The following PTPRD variants were observed in gnomAD, a reference collection of about 807,000 sequenced individuals.
The protein encoded by PTPRD is protein tyrosine phosphatase receptor type D.
In PTPRD, 34 loss-of-function variants were observed where a neutral mutation model predicts 214.5. That is an observed-to-expected ratio of 0.16 (90% CI 0.12 to 0.21). The LOEUF (loss-of-function observed/expected upper bound fraction) is 0.21. Ranked by LOEUF, PTPRD falls within the 10% of genes least tolerant of loss-of-function variation. The pLI is 1.00. For missense variants in PTPRD, 2,545 were observed against 2,398.7 expected (o/e 1.06, Z -1.27); for synonymous variants, 1,128 against 845.7 (o/e 1.33, Z -5.79).
intron 5 of PTPRD, among the ~76,000 whole-genome samples, chr9:9,782,278 G>T (rs760410972): frequency 2.0e-5 from 3 of 152,008 alleles, no homozygotes; most frequent in Non-Finnish European, 2.9e-5. Context: ...TGTCTTACAG[G>T]TACCTCTAAG....
chr9:10,373,764 G>C lies in PTPRD; in HGVS notation c.-599-32747C>G, dbSNP rs570721209. ...CGCCTTGCCATATTTCTCAGTTTGTGTAAAAATCAGAAGATTTGTCAATAC... is the reference window on the plus strand; with the variant it reads ...CGCCTTGCCATATTTCTCAGTTTGTCTAAAAATCAGAAGATTTGTCAATAC... On this transcript the variant is annotated intron_variant, in intron 2 of 45. Coordinates refer to ENST00000381196, the MANE Select transcript of PTPRD (RefSeq NM_002839.4). 2.6e-5 allele frequency among the ~76,000 whole-genome samples: 4 copies of C among 152,098 alleles called. No homozygotes were observed. The East Asian group carries it at 5.8e-4, about 22-fold the overall frequency.
intron 14 of PTPRD, among the ~76,000 whole-genome samples, chr9:8,590,801 T>C (rs1278097545): frequency 6.6e-6 from 1 of 152,172 alleles, no homozygotes; most frequent in East Asian, 1.9e-4. Context: ...TTAAGGTAGG[T>C]AATTAGTTTC....
chr9:9,338,885 C>A (rs112272220), intron 9 of PTPRD, among the ~76,000 whole-genome samples: 1,647 of 152,170 alleles, frequency 0.011, 25 homozygotes, highest in African/African-American at 0.037. Context: ...ATATTCCCCT[C>A]CCTGTGTCCA....
chr9:9,315,253 A>T (rs968822468), intron 9 of PTPRD, among the ~76,000 whole-genome samples: 1 of 151,888 alleles, frequency 6.6e-6, no homozygotes, highest in Admixed American at 6.6e-5. Flanking sequence ...TATCTGAAGT[A>T]TTTTCTCGTA....
chr9:9,340,612 G>C (rs1184124539), intron 9 of PTPRD, among the ~76,000 whole-genome samples: 1 of 152,152 alleles, frequency 6.6e-6, no homozygotes, highest in Non-Finnish European at 1.5e-5. Flanking sequence ...AGTTAATACA[G>C]AGTACGGAAT....
chr9:9,403,627 A>G (rs925483433), intron 8 of PTPRD, among the ~76,000 whole-genome samples: 24 of 152,254 alleles, frequency 1.6e-4, no homozygotes, highest in African/African-American at 5.3e-4. Flanking sequence ...ATATCAAACA[A>G]ATCAGTAAGT....
chr9:8,326,247 A>G (rs1406235558), intron 44 of PTPRD, among the ~76,000 whole-genome samples: 1 of 152,178 alleles, frequency 6.6e-6, no homozygotes, highest in African/African-American at 2.4e-5. Context: ...ACGTTCCATC[A>G]GTACCTAGTT....
At chr9:9,998,770 A>C (rs1439103727) in intron 4 of PTPRD, among the ~76,000 whole-genome samples, 1 of 152,162 alleles carries the variant, frequency 6.6e-6, no homozygotes, top group East Asian at 1.9e-4. Flanking sequence ...TAATAGCTCT[A>C]ACAAGACCAC....
intron 8 of PTPRD, among the ~76,000 whole-genome samples, chr9:9,493,361 A>G (rs1006515584): frequency 9.2e-5 from 14 of 152,222 alleles, no homozygotes; most frequent in Non-Finnish European, 1.6e-4. Flanking sequence ...ATTCACCAGG[A>G]ACAGAGTCTA....
intron 14 of PTPRD, among the ~76,000 whole-genome samples, chr9:8,583,735 A>G (rs1594533769): frequency 6.6e-6 from 1 of 152,230 alleles, no homozygotes; most frequent in African/African-American, 2.4e-5. Flanking sequence ...GGGGAAGAAG[A>G]TAGAGTAGAC....
intron 12 of PTPRD, among the ~76,000 whole-genome samples, chr9:8,675,860 T>G (rs935669578): frequency 6.6e-6 from 1 of 152,194 alleles, no homozygotes; most frequent in African/African-American, 2.4e-5. Context: ...GATACACTCT[T>G]CATAGTGAAG....
intron 14 of PTPRD, among the ~76,000 whole-genome samples, chr9:8,584,856 G>A (rs1285094438): frequency 1.1e-4 from 16 of 152,228 alleles, no homozygotes; most frequent in Non-Finnish European, 1.0e-4. Flanking sequence ...GTTGGAAGCG[G>A]AAGCAAACAT....
intron 11 of PTPRD, among the ~76,000 whole-genome samples, chr9:9,008,651 G>T (rs1194039787): frequency 6.6e-6 from 1 of 152,268 alleles, no homozygotes; most frequent in East Asian, 1.9e-4. Flanking sequence ...AAGAAAGGAA[G>T]TGTGAAGAAA....
intron 10 of PTPRD, among the ~76,000 whole-genome samples, chr9:9,133,192 A>G (rs1280746984): frequency 6.6e-6 from 1 of 152,156 alleles, no homozygotes; most frequent in Non-Finnish European, 1.5e-5. Context: ...CTATCCTAAA[A>G]CCATTGGAAG....
intron 5 of PTPRD, among the ~76,000 whole-genome samples, chr9:9,840,950 A>G (rs1411657264): frequency 6.6e-6 from 1 of 152,054 alleles, no homozygotes; most frequent in East Asian, 1.9e-4. Flanking sequence ...GAGATGGACA[A>G]TAAACTGTGA....
At chr9:8,586,071 G>T (rs537679057) in intron 14 of PTPRD, among the ~76,000 whole-genome samples, 1 of 152,216 alleles carries the variant, frequency 6.6e-6, no homozygotes, top group African/African-American at 2.4e-5. Flanking sequence ...GGTAACTGAG[G>T]TGGGCAGATA....
In PTPRD at chr9:8,751,537, A is replaced by C. The variant is rs145881629; in HGVS notation, c.-103-17591T>G. ...AATACCCAATAGTACACTGGAATTC[A>C]GGCTATTAGAAAACAGGGCCCTTCC... On this transcript the variant is annotated intron_variant, in intron 11 of 45. Transcript: ENST00000381196. Among the ~76,000 whole-genome samples the C allele has an allele frequency of 3.7e-3, 563 of 152,356 alleles. 3 individuals carry two copies. Among genetic ancestry groups the C allele is most frequent in the African/African-American group, 0.013 (542 of 41,592 alleles).
rs1403639154 is a variant in PTPRD at position 8,896,662 on chromosome 9, C to T, written c.-104+122035G>A. 2.0e-5 allele frequency among the ~76,000 whole-genome samples: 3 copies of T among 152,156 alleles called. 1 individual carries two copies. Among genetic ancestry groups the T allele is most frequent in the Non-Finnish European group, 1.5e-5 (1 of 68,038 alleles). ...TTCTGAGATAATATCATCCCATAGTCTGTGTGACTTGAATAGTTTCAGGTT... is the reference window on the plus strand; with the variant it reads ...TTCTGAGATAATATCATCCCATAGTTTGTGTGACTTGAATAGTTTCAGGTT... On this transcript the variant is annotated intron_variant, in intron 11 of 45. Coordinates refer to ENST00000381196, the MANE Select transcript of PTPRD (RefSeq NM_002839.4).
At chr9:9,925,733 T>C (rs1336965266) in intron 5 of PTPRD, among the ~76,000 whole-genome samples, 1 of 152,118 alleles carries the variant, frequency 6.6e-6, no homozygotes, top group Non-Finnish European at 1.5e-5. Flanking sequence ...AATTTTCTTC[T>C]ATGCACCTTT....
Sources: gnomAD v4.1 joint callset for allele counts (sites outside exome capture counted in the v4.1 genomes callset) on GRCh38, gnomAD v4.1.1 for gene constraint, MANE v1.5 for transcripts, NCBI Gene and HGNC (gene_info 2026-07-23, HGNC 2026-07-21) for gene names.